The following TFAP2B variants were observed in gnomAD, a reference collection of about 807,000 sequenced individuals.
The protein encoded by TFAP2B is transcription factor AP-2 beta.
In TFAP2B, 9 loss-of-function variants were observed where a neutral mutation model predicts 44.3. That is an observed-to-expected ratio of 0.20 (90% CI 0.12 to 0.35). TFAP2B has a LOEUF of 0.35. Among genes scored for constraint, TFAP2B ranks in the 10% least tolerant of loss-of-function variants. The pLI is 1.00. For missense variants in TFAP2B, 509 were observed against 600.0 expected (o/e 0.85, Z 1.59); for synonymous variants, 270 against 263.8 (o/e 1.02, Z -0.23).
Position 50,820,558 on chromosome 6 carries a change from C to T in TFAP2B, c.81+1586C>T, listed in dbSNP as rs545650786. On this transcript the variant is annotated intron_variant, in intron 1 of 6. Transcript: ENST00000393655. ...ATGATGCTTGGGGTTTTCCTTTTCT[C>T]TTTGTGGTTGTGTATCGACTGTAAC... Among the ~76,000 whole-genome samples, 33 of 152,350 alleles carry T rather than the reference C, an allele frequency of 2.2e-4. No individual in the cohort carries two copies. In the East Asian group the frequency reaches 6.4e-3, roughly 29 times the overall value.
At chr6:50,821,976 T>TGG (rs59203402) in intron 1 of TFAP2B, 16 of 282,310 alleles carry the variant, frequency 5.7e-5, no homozygotes, top group South Asian at 3.3e-4. Flanking sequence ...CTTGTTGGGG[T>TGG]GGGGGGCGGG....
intron 2 of TFAP2B, among the ~76,000 whole-genome samples, chr6:50,826,031 C>T (rs61660288): frequency 0.15 from 22,544 of 152,126 alleles, 1,870 homozygotes; most frequent in East Asian, 0.21. Context: ...ACCACAGCCT[C>T]GAATCCGAAG....
intron 4 of TFAP2B, among the ~76,000 whole-genome samples, chr6:50,836,865 TA>T (rs1762634100): frequency 6.6e-6 from 1 of 152,220 alleles, no homozygotes; most frequent in Non-Finnish European, 1.5e-5. Context: ...CCACCAATAA[TA>T]GCAATAATAT....
At position 50,838,071 on chromosome 6, in the gene TFAP2B, G is replaced by A. The variant is rs898437807; in HGVS notation, c.918G>A (p.Thr306=). Residue 306 remains threonine (T), a synonymous_variant, in exon 5 of 7, where the codon ACG becomes ACA. Coordinates refer to ENST00000393655, the MANE Select transcript of TFAP2B (RefSeq NM_003221.4). ...GCAGGCGCAAAGCAGCAAATGTCACGTTACTCACCTCCCTGGTGGAAGGTA... is the reference window on the plus strand; with the variant it reads ...GCAGGCGCAAAGCAGCAAATGTCACATTACTCACCTCCCTGGTGGAAGGTA... ...PAGRRKAANV[T]LLTSLVEGEA... The A allele has an allele frequency of 9.3e-6, 15 of 1,613,930 alleles. No homozygotes were observed. Among genetic ancestry groups the A allele is most frequent in the Admixed American group, 3.3e-5 (2 of 60,008 alleles).
intron 3 of TFAP2B, among the ~76,000 whole-genome samples, chr6:50,833,049 A>G (rs924490692): frequency 3.9e-5 from 6 of 152,242 alleles, no homozygotes; most frequent in Admixed American, 2.6e-4. Context: ...ATGCACAGAA[A>G]ATTGTAAACA....
intron 2 of TFAP2B, among the ~76,000 whole-genome samples, chr6:50,827,782 A>G (rs1292560304): frequency 6.6e-6 from 1 of 152,256 alleles, no homozygotes; most frequent in African/African-American, 2.4e-5. Context: ...TTCTGACAGT[A>G]AGAAACTTGC....
rs754462301 is a variant in TFAP2B at position 50,843,387 on chromosome 6, A to G, written c.1378A>G (p.Lys460Glu). The change falls in exon 7 of 7, where the codon AAA (lysine) becomes GAA (glutamate). Residue 460 changes from lysine to glutamate, a missense_variant. Physicochemically the swap from Lys to Glu is moderately conservative, Grantham distance 56 (BLOSUM62 1). Coordinates refer to ENST00000393655, the MANE Select transcript of TFAP2B (RefSeq NM_003221.4). ...TGGCGACAAGGAGGAGAAACACAGG[A>G]AATGAAAAATTTTTAAAAAAAGAAG... ...KTGDKEEKHR[K>E] 1 of 1,612,742 alleles carries G rather than the reference A, an allele frequency of 6.2e-7. No individual in the cohort carries two copies. Among genetic ancestry groups the G allele is most frequent in the African/African-American group, 1.3e-5 (1 of 74,918 alleles).
In TFAP2B at chr6:50,828,634, A is replaced by G. The variant is rs1177675262; in HGVS notation, c.556A>G (p.Asn186Asp). Residue 186 changes from asparagine to aspartate, a missense_variant, in exon 3 of 7, where the codon AAT becomes GAT. Asn to Asp is a conservative substitution (Grantham distance 23). Coordinates refer to ENST00000393655, the MANE Select transcript of TFAP2B (RefSeq NM_003221.4). ...MEDVQSVEDA[N>D]NSGMNLLDQS... is the part of the protein sequence containing the mutation. ...ATATTCACAGTCAGTTGAAGATGCCAATAACAGCGGCATGAATCTATTGGA... is the reference window on the plus strand; with the variant it reads ...ATATTCACAGTCAGTTGAAGATGCCGATAACAGCGGCATGAATCTATTGGA... 6.2e-7 allele frequency: 1 copy of G among 1,613,942 alleles called. No individual in the cohort carries two copies. The highest frequency in any genetic ancestry group is 2.2e-5 in the East Asian group (1 of 44,878).
intron 3 of TFAP2B, among the ~76,000 whole-genome samples, chr6:50,831,043 A>G (rs1368133505): frequency 6.6e-6 from 1 of 152,158 alleles, no homozygotes; most frequent in Non-Finnish European, 1.5e-5. Flanking sequence ...AAGCTAGAAG[A>G]CTTAGGCATA....
rs1762863084 is a variant in TFAP2B at position 50,846,990 on chromosome 6, G to A, written c.*3598G>A. 1 of 151,874 alleles carries A rather than the reference G, an allele frequency of 6.6e-6. No homozygotes were observed. The highest frequency in any genetic ancestry group is 2.4e-5 in the African/African-American group (1 of 41,144). 9.4% of individuals were successfully genotyped at this position (151,874 alleles called of 1,614,324 possible). On this transcript the variant is annotated 3_prime_UTR_variant, in exon 7 of 7. Coordinates refer to ENST00000393655, the MANE Select transcript of TFAP2B (RefSeq NM_003221.4). ...GGTCGAATGGAAAACTCGAAACCTC[G>A]AGCTTATCTACACACTGTTCCTCTG... is the stretch of plus-strand genomic sequence containing the variant.
intron 3 of TFAP2B, among the ~76,000 whole-genome samples, chr6:50,831,810 C>G (rs1211826058): frequency 6.6e-6 from 1 of 152,142 alleles, no homozygotes; most frequent in Non-Finnish European, 1.5e-5. Flanking sequence ...CCTTAGACAG[C>G]AGAAAATATT....
chr6:50,839,735 T>G (rs1272450499), intron 5 of TFAP2B, among the ~76,000 whole-genome samples: 1 of 152,248 alleles, frequency 6.6e-6, no homozygotes, highest in Non-Finnish European at 1.5e-5. Flanking sequence ...TATATATTTG[T>G]TGGAATACAG....
At chr6:50,819,824 G>T (rs1032311816) in intron 1 of TFAP2B, among the ~76,000 whole-genome samples, 2 of 152,022 alleles carry the variant, frequency 1.3e-5, no homozygotes, top group Admixed American at 1.3e-4. Flanking sequence ...CGGACTAGGC[G>T]GACGAGGCGG....
intron 6 of TFAP2B, among the ~76,000 whole-genome samples, chr6:50,842,293 G>A (rs181420577): frequency 2.6e-5 from 4 of 152,216 alleles, no homozygotes; most frequent in African/African-American, 4.8e-5. Flanking sequence ...AGGTAGGCAC[G>A]CAGGATTTCT....
chr6:50,841,325 C>A (rs1435093762), intron 6 of TFAP2B, among the ~76,000 whole-genome samples: 1 of 152,064 alleles, frequency 6.6e-6, no homozygotes. Context: ...TGGCATCCAC[C>A]CTCTTTCTTG....
chr6:50,841,790 C>G (rs867833552), intron 6 of TFAP2B, among the ~76,000 whole-genome samples: 1 of 152,156 alleles, frequency 6.6e-6, no homozygotes, highest in African/African-American at 2.4e-5. Flanking sequence ...TGGTCAGAAC[C>G]CTTATCTATT....
chr6:50,819,449 T>A (rs936611078), intron 1 of TFAP2B, among the ~76,000 whole-genome samples: 4 of 151,974 alleles, frequency 2.6e-5, no homozygotes, highest in Non-Finnish European at 5.9e-5. Flanking sequence ...TGGTTCCAAG[T>A]AGAGGACAGA....
At chr6:50,820,238 G>T (rs1267449773) in intron 1 of TFAP2B, among the ~76,000 whole-genome samples, 2 of 152,200 alleles carry the variant, frequency 1.3e-5, no homozygotes, top group East Asian at 1.9e-4. Flanking sequence ...AAAGACACGC[G>T]ACCCCTCCGG....
chr6:50,821,356 C>G (rs1770339978), intron 1 of TFAP2B, among the ~76,000 whole-genome samples: 1 of 152,192 alleles, frequency 6.6e-6, no homozygotes, highest in Admixed American at 6.5e-5. Flanking sequence ...TAACCAGGCC[C>G]ACCAATTTGC....
Sources: allele counts gnomAD v4.1 joint callset (sites outside exome capture counted in the v4.1 genomes callset), GRCh38; gene constraint gnomAD v4.1.1; transcripts MANE v1.5; gene names NCBI Gene and HGNC (gene_info 2026-07-23, HGNC 2026-07-21).